The following TSFM variants were observed in gnomAD, a reference collection of about 807,000 sequenced individuals.
The protein encoded by TSFM is elongation factor Ts, mitochondrial.
A neutral mutation model predicts 33.4 loss-of-function variants in TSFM; 29 were observed. The observed-to-expected ratio is 0.87, with a 90% CI of 0.65 to 1.18. The LOEUF (loss-of-function observed/expected upper bound fraction) is 1.18. TSFM is among the 50% of genes most tolerant of loss of function. The pLI is 0.00. For synonymous variants in TSFM, 178 were observed against 163.5 expected (o/e 1.09, Z -0.68); for missense variants, 394 against 395.6 (o/e 1.00, Z 0.04).
At chr12:57,799,651 T>G (rs1384068456), downstream of TSFM, 5 of 1,111,640 alleles carry the variant, frequency 4.5e-6, no homozygotes, top group Non-Finnish European at 6.4e-6. Flanking sequence ...AACCCTGGTT[T>G]TTTTTGGTTT....
In TSFM at chr12:57,796,907, C is replaced by T. The variant is rs555105905; in HGVS notation, c.*324C>T. 9 of 1,012,468 alleles carry T rather than the reference C, an allele frequency of 8.9e-6. No homozygotes were observed. Among genetic ancestry groups the T allele is most frequent in the South Asian group, 4.6e-5 (1 of 21,520 alleles). 62.7% of individuals were successfully genotyped at this position (1,012,468 alleles called of 1,614,324 possible). A position where few individuals can be genotyped will look rare whatever the true frequency, so the allele number is the denominator to read the frequency against. On this transcript the variant is annotated 3_prime_UTR_variant, in exon 6 of 6. Transcript: ENST00000652027. ...ATGTTCTGTCTTACACCTTTTATGA[C>T]ATAGAACTCTTTTGTTCTGTTTTTG...
chr12:57,787,852 G>A (rs187713178), intron 4 of TSFM, among the ~76,000 whole-genome samples: 57 of 152,176 alleles, frequency 3.7e-4, no homozygotes, highest in Non-Finnish European at 5.0e-4. Flanking sequence ...GCTTGAACCC[G>A]GGAGGTAGAG....
chr12:57,786,095 T>A (rs955045576), intron 2 of TSFM, 68 bp from the exon 3 acceptor site: 6 of 1,486,972 alleles, frequency 4.0e-6, no homozygotes, highest in Non-Finnish European at 5.4e-6. Context: ...CCTGAGTATA[T>A]CTTAGAACTA....
rs753941653 is a variant in TSFM at position 57,786,133 on chromosome 12, TTGTCTGCTCTTTTTCCTCTC to T, written c.232-29_232-10del. ...TTTAGTGCTAAATTCTGTGACTTTG[TTGTCTGCTCTTTTTCCTCTC>T]AATTTACAGGCAGAGATCTGGCTCC... On this transcript the variant is annotated splice_polypyrimidine_tract_variant and intron_variant, in intron 2 of 5. Coordinates refer to ENST00000652027, the MANE Select transcript of TSFM (RefSeq NM_005726.6). 1 of 1,577,790 alleles carries T rather than the reference TTGTCTGCTCTTTTTCCTCTC, an allele frequency of 6.3e-7. No individual in the cohort carries two copies. The highest frequency in any genetic ancestry group is 1.2e-5 in the South Asian group (1 of 85,854).
chr12:57,789,497 A>G (rs543910601), intron 4 of TSFM, among the ~76,000 whole-genome samples: 1 of 152,090 alleles, frequency 6.6e-6, no homozygotes, highest in East Asian at 1.9e-4. Context: ...CTGAGTAGCT[A>G]GGATTATAGG....
chr12:57,789,258 C>G (rs1409719865), intron 4 of TSFM, among the ~76,000 whole-genome samples: 3 of 151,928 alleles, frequency 2.0e-5, no homozygotes, highest in Non-Finnish European at 2.9e-5. Flanking sequence ...GCCACTGCAC[C>G]CGGTCATCAT....
intron 2 of TSFM, chr12:57,784,156 A>G: frequency 1.4e-6 from 1 of 702,196 alleles, no homozygotes; most frequent in South Asian, 1.5e-5. Context: ...TACTGTAGGC[A>G]GTTGTAACAC....
At chr12:57,801,784 C>G (rs997099486), downstream of TSFM, among the ~76,000 whole-genome samples, 1 of 152,042 alleles carries the variant, frequency 6.6e-6, no homozygotes, top group Non-Finnish European at 1.5e-5. Context: ...GGAAACCTGG[C>G]TTTCTGTTGA....
rs1955751830 is a variant in TSFM at position 57,797,074 on chromosome 12, G to A, written c.*491G>A. On this transcript the variant is annotated 3_prime_UTR_variant, in exon 6 of 6. Coordinates refer to ENST00000652027, the MANE Select transcript of TSFM (RefSeq NM_005726.6). ...GTTCTCTTCTTTGTGATTGTCTGTA[G>A]TATGCTTTGAAGGTGCTCTGCAGTG... is the stretch of plus-strand genomic sequence containing the variant. 5.1e-6 allele frequency: 5 copies of A among 985,492 alleles called. No individual in the cohort carries two copies. The highest frequency in any genetic ancestry group is 6.0e-6 in the Non-Finnish European group (5 of 829,988). The allele number at this position is 985,492 out of a possible 1,614,324, so 61.0% of individuals were successfully genotyped here.
At chr12:57,802,674 C>G (rs1161219493), downstream of TSFM, 5 of 635,480 alleles carry the variant, frequency 7.9e-6, no homozygotes, top group East Asian at 1.4e-4. Flanking sequence ...GGATGTAGCT[C>G]TTCTTTACTA....
rs1181142265 is a variant in TSFM, at chr12:57,783,004, C to T, written c.58-106C>T. ...TGCCCAGTCCAGCCCCGGTGCACCC[C>T]CCTTTGCACACTGTCCGCTCCCTAA... On this transcript the variant is annotated intron_variant, in intron 1 of 5. Coordinates refer to ENST00000652027, the MANE Select transcript of TSFM (RefSeq NM_005726.6). 14 of 1,485,038 alleles carry T rather than the reference C, an allele frequency of 9.4e-6. No individual in the cohort carries two copies. In the East Asian group the frequency reaches 2.3e-4, roughly 24 times the overall value. The allele number at this position is 1,485,038 out of a possible 1,614,324, so 92.0% of individuals were successfully genotyped here.
At chr12:57,793,283 A>G (rs1198750829) in intron 5 of TSFM, among the ~76,000 whole-genome samples, 2 of 151,848 alleles carry the variant, frequency 1.3e-5, no homozygotes, top group Non-Finnish European at 2.9e-5. Context: ...GCTGGAGTGC[A>G]GTGGCGCAAT....
At position 57,787,127 on chromosome 12, in the gene TSFM, C is replaced by G; in HGVS notation, c.448C>G (p.Gln150Glu). 1.9e-6 allele frequency: 3 copies of G among 1,600,820 alleles called. No homozygotes were observed. Among genetic ancestry groups the G allele is most frequent in the Non-Finnish European group, 2.6e-6 (3 of 1,172,786 alleles). ...QVALGTMMHC[Q>E]TLKDQPSAYS... is the part of the protein sequence containing the mutation. The stretch of plus-strand genomic sequence containing the variant: ...AGCCCTTGGAACCATGATGCATTGT[C>G]AGACCCTAAAGGATCAACCCTCTGC... The change falls in exon 4 of 6, where the codon CAG becomes GAG. Residue 150 changes from glutamine to glutamate, a missense_variant. By Grantham distance (29) the Gln-to-Glu change is conservative. Around this residue, in one of 3 missense-constraint regions of TSFM, gnomAD observed 208 missense variants for 180.4 expected, o/e 1.15. Coordinates refer to ENST00000652027, the MANE Select transcript of TSFM (RefSeq NM_005726.6).
intron 5 of TSFM, among the ~76,000 whole-genome samples, chr12:57,794,328 T>C (rs1400764183): frequency 6.6e-6 from 1 of 152,240 alleles, no homozygotes; most frequent in Non-Finnish European, 1.5e-5. Flanking sequence ...GGCATACTTA[T>C]ACAGACCCTT....
At chr12:57,787,205 T>C in intron 4 of TSFM, 43 bp downstream of exon 4, 1 of 1,534,210 alleles carries the variant, frequency 6.5e-7, no homozygotes, top group Non-Finnish European at 8.8e-7. Context: ...TTTGCTGTCC[T>C]CATTGGGTCT....
downstream of TSFM, chr12:57,801,112 G>A (rs767310286): frequency 9.6e-5 from 153 of 1,597,348 alleles, no homozygotes; most frequent in Non-Finnish European, 1.1e-4. Context: ...TGCCCATGTG[G>A]CTGGCTTCTC....
intron 4 of TSFM, among the ~76,000 whole-genome samples, chr12:57,789,593 T>C (rs1301659608): frequency 5.3e-5 from 8 of 152,134 alleles, no homozygotes; most frequent in Non-Finnish European, 1.2e-4. Flanking sequence ...CTCGCACTCC[T>C]GACCTCAGGT....
chr12:57,782,964 C>G, intron 1 of TSFM, 106 bp downstream of exon 1: 1 of 1,472,348 alleles, frequency 6.8e-7, no homozygotes, highest in South Asian at 1.3e-5. Context: ...TCACCTTCCC[C>G]GACAGCATTG....
chr12:57,801,365 C>T, downstream of TSFM: 1 of 591,900 alleles, frequency 1.7e-6, no homozygotes, highest in Non-Finnish European at 3.0e-6. Context: ...CCTTTTGGGT[C>T]CATGCAGGCT....
Sources: allele counts gnomAD v4.1 joint callset (sites outside exome capture counted in the v4.1 genomes callset), GRCh38; gene constraint gnomAD v4.1.1; regional missense constraint gnomAD v4.1.1; transcripts MANE v1.5; gene names NCBI Gene and HGNC (gene_info 2026-07-23, HGNC 2026-07-21).